Variants in ATP2B2 observed in about 807,000 individuals in gnomAD.
The protein encoded by ATP2B2 is ATPase plasma membrane Ca2+ transporting 2.
Under a neutral mutation model 120.0 loss-of-function variants are expected in ATP2B2, and 15 were observed. That is an observed-to-expected ratio of 0.12 (90% CI 0.08 to 0.19). The LOEUF (loss-of-function observed/expected upper bound fraction) is 0.19, where lower values mean the gene tolerates loss of function less well. ATP2B2 is among the 10% of genes least tolerant of loss of function. The pLI is 1.00. For synonymous variants in ATP2B2, 694 were observed against 700.3 expected (o/e 0.99, Z 0.14); for missense variants, 1,045 against 1,719.8 (o/e 0.61, Z 6.94).
At chr3:10,568,930 G>T (rs998998443) in intron 2 of ATP2B2, among the ~76,000 whole-genome samples, 1 of 152,192 alleles carries the variant, frequency 6.6e-6, no homozygotes, top group Admixed American at 6.5e-5. Context: ...GGGACAAAAA[G>T]AAAGAATATA....
intron 3 of ATP2B2, among the ~76,000 whole-genome samples, chr3:10,523,377 C>A (rs189634327): frequency 6.6e-6 from 1 of 152,192 alleles, no homozygotes; most frequent in Admixed American, 6.5e-5. Flanking sequence ...CTGAACATGT[C>A]CCCCAACTTT....
intron 3 of ATP2B2, among the ~76,000 whole-genome samples, chr3:10,526,008 G>A (rs1000599640): frequency 5.3e-5 from 8 of 152,190 alleles, no homozygotes; most frequent in Non-Finnish European, 1.2e-4. Context: ...TGATAAGGCT[G>A]TAGTGAAGAT....
chr3:10,670,807 T>C (rs1262500987), intron 1 of ATP2B2, among the ~76,000 whole-genome samples: 1 of 152,146 alleles, frequency 6.6e-6, no homozygotes, highest in Non-Finnish European at 1.5e-5. Context: ...AGAATCCGGA[T>C]TGGTACATAG....
intron 2 of ATP2B2, among the ~76,000 whole-genome samples, chr3:10,431,127 C>T (rs115233015): frequency 6.6e-6 from 1 of 152,178 alleles, no homozygotes; most frequent in Middle Eastern, 3.4e-3. Flanking sequence ...AAAGTGATTT[C>T]TTGAGCTGGA....
At position 10,654,735 on chromosome 3, in the gene ATP2B2, T is replaced by C. The variant is rs577424569; in HGVS notation, c.-459-34774A>G. Among the ~76,000 whole-genome samples the C allele has an allele frequency of 1.3e-3, 198 of 149,492 alleles. 3 individuals carry two copies. Among genetic ancestry groups the C allele is most frequent in the African/African-American group, 4.6e-3 (186 of 40,154 alleles). On this transcript the variant is annotated intron_variant, in intron 1 of 21. Coordinates refer to the ATP2B2 transcript ENST00000646379. Reference sequence around the variant, plus strand: ...GCAGGGTTTTGGGAGGCTGTCTCCATAGGGGAGTGGTCCTCAGTGTATTGA... The same window carrying C: ...GCAGGGTTTTGGGAGGCTGTCTCCACAGGGGAGTGGTCCTCAGTGTATTGA...
intron 1 of ATP2B2, among the ~76,000 whole-genome samples, chr3:10,702,899 T>A (rs1437378019): frequency 1.3e-5 from 2 of 152,204 alleles, no homozygotes; most frequent in African/African-American, 2.4e-5. Context: ...CGGAGGCTTG[T>A]GCATTCCCCC....
chr3:10,611,246 G>A (rs116160613), intron 2 of ATP2B2, among the ~76,000 whole-genome samples: 3,276 of 152,208 alleles, frequency 0.022, 79 homozygotes, highest in African/African-American at 0.062. Flanking sequence ...TCATAATTAC[G>A]CTCCCTGGCA....
At chr3:10,698,195 G>C (rs2125717990) in intron 1 of ATP2B2, among the ~76,000 whole-genome samples, 1 of 152,380 alleles carries the variant, frequency 6.6e-6, no homozygotes, top group East Asian at 1.9e-4. Context: ...TGAGACACAA[G>C]AGGAGGTTGG....
At chr3:10,618,169 T>A (rs1402295375) in intron 2 of ATP2B2, among the ~76,000 whole-genome samples, 2 of 152,228 alleles carry the variant, frequency 1.3e-5, no homozygotes, top group Admixed American at 1.3e-4. Context: ...ACAAGGTATT[T>A]GAAGTCAGAT....
At chr3:10,542,903 C>T (rs922395041) in intron 2 of ATP2B2, among the ~76,000 whole-genome samples, 4 of 152,044 alleles carry the variant, frequency 2.6e-5, no homozygotes, top group East Asian at 1.9e-4. Flanking sequence ...ATTTTTTGGC[C>T]GTTATTTCTT....
chr3:10,329,461 CTG>C lies in ATP2B2; in HGVS notation c.3421-338_3421-337del, dbSNP rs1241816013. Reference sequence around the variant, plus strand: ...GCGGGCACCCACACCTAGTGAGAGACTGAGCCTTGTTCACTTTAAAGCAGAGG... The same window carrying C: ...GCGGGCACCCACACCTAGTGAGAGACAGCCTTGTTCACTTTAAAGCAGAGG... On this transcript the variant is annotated intron_variant, in intron 22 of 22. Coordinates refer to ENST00000360273, the MANE Select transcript of ATP2B2 (RefSeq NM_001001331.4). This position sits in a 1 kb window ranked among gnomAD's most constrained non-coding sequence, Gnocchi z 5.9. 1.3e-5 allele frequency among the ~76,000 whole-genome samples: 2 copies of C among 152,056 alleles called. No homozygotes were observed. Among genetic ancestry groups the C allele is most frequent in the Non-Finnish European group, 2.9e-5 (2 of 68,024 alleles).
rs572884632 is a variant in ATP2B2, at chr3:10,553,008, C to G, written c.-414-18875G>C. On this transcript the variant is annotated intron_variant, in intron 2 of 21. Transcript: ENST00000646379. ...TGCTCCTCAAGGGCATCCAACTGCT[C>G]TGTCCTCTATGGCCTCCAGCCTCCA... Among the ~76,000 whole-genome samples, 7 of 152,332 alleles carry G rather than the reference C, an allele frequency of 4.6e-5. No individual in the cohort carries two copies. In the East Asian group the frequency reaches 9.6e-4, roughly 21 times the overall value.
intron 1 of ATP2B2, among the ~76,000 whole-genome samples, chr3:10,472,142 C>T (rs550903332): frequency 7.9e-5 from 12 of 151,226 alleles, no homozygotes; most frequent in African/African-American, 2.2e-4. Context: ...GAGGGAGGGA[C>T]GCAGAGACAG....
intron 2 of ATP2B2, among the ~76,000 whole-genome samples, chr3:10,438,154 C>T (rs989960259): frequency 3.9e-5 from 6 of 152,160 alleles, no homozygotes; most frequent in Non-Finnish European, 7.4e-5. Flanking sequence ...CTCAGTCTCC[C>T]CATGTGCACC....
chr3:10,386,706 G>C (rs2061691464), intron 6 of ATP2B2, among the ~76,000 whole-genome samples, 194 bp from the exon 7 acceptor site: 1 of 152,196 alleles, frequency 6.6e-6, no homozygotes, highest in African/African-American at 2.4e-5. Flanking sequence ...AGGGCAGAGG[G>C]GGCCCAGCTG....
At chr3:10,626,219 C>T (rs1243580142) in intron 1 of ATP2B2, 1 of 152,210 alleles carries the variant, frequency 6.6e-6, no homozygotes, top group South Asian at 2.1e-4. Flanking sequence ...AGGCATTGCC[C>T]AAGCACACAC....
chr3:10,584,831 A>G (rs2068469862), intron 2 of ATP2B2, among the ~76,000 whole-genome samples: 1 of 152,122 alleles, frequency 6.6e-6, no homozygotes, highest in Non-Finnish European at 1.5e-5. Context: ...GCATAACACA[A>G]TTTCACCTGG....
chr3:10,445,513 C>T (rs372427711), intron 2 of ATP2B2, among the ~76,000 whole-genome samples: 9 of 152,200 alleles, frequency 5.9e-5, no homozygotes, highest in African/African-American at 2.2e-4. Context: ...CACAGCCTCA[C>T]AGGGGGGCAG....
intron 2 of ATP2B2, among the ~76,000 whole-genome samples, chr3:10,414,762 C>T (rs1244939263): frequency 6.6e-6 from 1 of 152,164 alleles, no homozygotes; most frequent in African/African-American, 2.4e-5. Context: ...CACAGAGCAG[C>T]TTCTCTGTCC....
Sources: gnomAD v4.1 joint callset for allele counts (sites outside exome capture counted in the v4.1 genomes callset) on GRCh38, gnomAD v4.1.1 for gene constraint, Gnocchi (gnomAD v3.1) non-coding constraint, MANE v1.5 for transcripts, NCBI Gene and HGNC (gene_info 2026-07-23, HGNC 2026-07-21) for gene names.